The following CCDC198 variants were observed in gnomAD, a reference collection of about 807,000 sequenced individuals.
CCDC198 encodes coiled-coil domain containing 198.
A neutral mutation model predicts 35.6 loss-of-function variants in CCDC198; 18 were observed. That is an observed-to-expected ratio of 0.51 (90% confidence interval 0.35 to 0.75). The LOEUF is 0.75. Among genes scored for constraint, CCDC198 ranks in the 30% least tolerant of loss-of-function variants. The probability of loss-of-function intolerance (pLI) is 0.01; values close to 1 mark genes in which losing one functional copy is unlikely to be tolerated. For missense variants in CCDC198, 365 were observed against 343.7 expected, an observed-to-expected ratio of 1.06 and a Z score of -0.49; for synonymous variants, 119 against 113.4, an observed-to-expected ratio of 1.05 and a Z score of -0.31.
In CCDC198 at chr14:57,471,378, C is replaced by T. The variant is rs200992969; in HGVS notation, c.868G>A (p.Asp290Asn). ...RTRTERIPLF[D>N]EFFDQE is the part of the protein sequence containing the mutation. Reference sequence around the variant, plus strand: ...TCTTATTCTTGATCAAAAAACTCATCGAAAAGTGGGATTCTCTCTGTCCTG... The same window carrying T: ...TCTTATTCTTGATCAAAAAACTCATTGAAAAGTGGGATTCTCTCTGTCCTG... Residue 290 changes from aspartate to asparagine, a missense_variant, in exon 6 of 6, where the codon GAT becomes AAT. By Grantham distance (23) the Asp-to-Asn change is conservative. Transcript: ENST00000216445. 8.1e-5 allele frequency: 130 copies of T among 1,612,892 alleles called. No homozygotes were observed. Among genetic ancestry groups the T allele is most frequent in the Non-Finnish European group, 9.3e-5 (110 of 1,179,584 alleles).
At chr14:57,479,074 G>T (rs2067099122) in intron 5 of CCDC198, 2 of 1,225,612 alleles carry the variant, frequency 1.6e-6, no homozygotes, top group African/African-American at 1.5e-5. Context: ...AATTGGTGGG[G>T]CAATGTAGCG....
intron 5 of CCDC198, among the ~76,000 whole-genome samples, chr14:57,477,737 G>A (rs145855602): frequency 2.6e-5 from 4 of 152,060 alleles, no homozygotes; most frequent in Non-Finnish European, 4.4e-5. Context: ...TTGCTGTGTC[G>A]CCCAGGTTGG....
chr14:57,488,350 T>G (rs969312737), intron 2 of CCDC198, among the ~76,000 whole-genome samples: 12 of 152,162 alleles, frequency 7.9e-5, no homozygotes, highest in Non-Finnish European at 2.9e-5. Context: ...TAGTTATTTT[T>G]GCTAGTCAAT....
intron 5 of CCDC198, chr14:57,479,036 A>G: frequency 7.8e-7 from 1 of 1,288,902 alleles, no homozygotes; most frequent in South Asian, 1.2e-5. Context: ...CTGGGGAAAT[A>G]CAAACAAGGA....
chr14:57,481,487 G>C, intron 4 of CCDC198, 72 bp downstream of exon 4: 1 of 1,044,268 alleles, frequency 9.6e-7, no homozygotes, highest in Non-Finnish European at 1.5e-6. Flanking sequence ...ATCTATGCTT[G>C]ATATATTCAT....
intron 2 of CCDC198, among the ~76,000 whole-genome samples, chr14:57,486,720 AG>A (rs1213297833): frequency 6.6e-6 from 1 of 152,160 alleles, no homozygotes; most frequent in Non-Finnish European, 1.5e-5. Context: ...AAGAATTTTT[AG>A]TTTTATTAAA....
At chr14:57,493,352 T>A (rs981538309) in intron 1 of CCDC198, 141 bp downstream of exon 1, 2 of 693,650 alleles carry the variant, frequency 2.9e-6, no homozygotes, top group Non-Finnish European at 4.9e-6. Flanking sequence ...ATTGAAAGAT[T>A]TGAGTTTTCA....
chr14:57,493,310 C>G (rs1484152995), intron 1 of CCDC198, among the ~76,000 whole-genome samples, 183 bp downstream of exon 1: 1 of 152,076 alleles, frequency 6.6e-6, no homozygotes, highest in Non-Finnish European at 1.5e-5. Context: ...TTCTAATGAA[C>G]CCAGAATACT....
At chr14:57,475,889 C>T (rs1431392742) in intron 5 of CCDC198, among the ~76,000 whole-genome samples, 1 of 136,392 alleles carries the variant, frequency 7.3e-6, no homozygotes, top group Middle Eastern at 4.8e-3. Flanking sequence ...GCAACCTCTG[C>T]CTCTCAGGTT....
intron 5 of CCDC198, among the ~76,000 whole-genome samples, chr14:57,473,263 A>G (rs1005010199): frequency 6.6e-6 from 1 of 152,174 alleles, no homozygotes; most frequent in Non-Finnish European, 1.5e-5. Flanking sequence ...GCAGATAACC[A>G]TCTTAACGTC....
At chr14:57,482,113 T>C (rs892246859) in intron 3 of CCDC198, among the ~76,000 whole-genome samples, 21 of 152,228 alleles carry the variant, frequency 1.4e-4, no homozygotes, top group East Asian at 9.7e-4. Flanking sequence ...TTCTATAGAG[T>C]GCATTTCCAT....
chr14:57,476,048 C>T (rs1192121896), intron 5 of CCDC198, among the ~76,000 whole-genome samples: 1 of 151,872 alleles, frequency 6.6e-6, no homozygotes, highest in Non-Finnish European at 1.5e-5. Flanking sequence ...AGTGATCCAC[C>T]CTCCTCAGCC....
At chr14:57,482,757 T>C (rs1047348507) in intron 3 of CCDC198, among the ~76,000 whole-genome samples, 180 of 152,322 alleles carry the variant, frequency 1.2e-3, no homozygotes, top group African/African-American at 4.2e-3. Flanking sequence ...TTTCACAGAT[T>C]TGAAAACTTC....
Position 57,471,609 on chromosome 14 carries a change from T to G in CCDC198, c.656-19A>C, listed in dbSNP as rs537148536. 1.9e-5 allele frequency: 26 copies of G among 1,397,924 alleles called. No individual in the cohort carries two copies. The African/African-American group carries it at 3.0e-4, about 16-fold the overall frequency. 86.6% of individuals were successfully genotyped at this position (1,397,924 alleles called of 1,614,324 possible). A position where few individuals can be genotyped will look rare whatever the true frequency, so the allele number is the denominator to read the frequency against. Reference sequence around the variant, plus strand: ...GAATTTCCTACAAAAAAATTAAGTTTCTTTAATTTTTTCCCTTAGCAATGA... The same window carrying G: ...GAATTTCCTACAAAAAAATTAAGTTGCTTTAATTTTTTCCCTTAGCAATGA... On this transcript the variant is annotated intron_variant, in intron 5 of 5. Transcript: ENST00000216445.
intron 5 of CCDC198, chr14:57,480,351 T>A: frequency 1.1e-6 from 1 of 939,500 alleles, no homozygotes; most frequent in Non-Finnish European, 1.3e-6. Flanking sequence ...CAATGAAGCA[T>A]GCAAAGCATA....
intron 5 of CCDC198, among the ~76,000 whole-genome samples, chr14:57,478,287 G>C (rs545402300): frequency 6.6e-6 from 1 of 152,266 alleles, no homozygotes; most frequent in South Asian, 2.1e-4. Flanking sequence ...CAAGTCCTTG[G>C]TGTCCTGGTG....
chr14:57,480,636 AGGTCAT>A lies in CCDC198; in HGVS notation c.608_613del (p.His203_Asp204del). On this transcript the variant is annotated inframe_deletion, in exon 5 of 6. Transcript: ENST00000216445. ...GATTTCATCAGGCAACATGGTTAGAAGGTCATGGTCATCATTCCTTGGGGTGCTTTG... is the reference window on the plus strand; with the variant it reads ...GATTTCATCAGGCAACATGGTTAGAAGGTCATCATTCCTTGGGGTGCTTTG... 6.2e-7 allele frequency: 1 copy of A among 1,614,146 alleles called. No individual in the cohort carries two copies. The highest frequency in any genetic ancestry group is 1.1e-5 in the South Asian group (1 of 91,072).
In CCDC198 at chr14:57,493,754, G is replaced by A. The variant is rs1397268515; in HGVS notation, c.-39C>T. 2.0e-6 allele frequency: 3 copies of A among 1,517,522 alleles called. No individual in the cohort carries two copies. Among genetic ancestry groups the A allele is most frequent in the African/African-American group, 2.7e-5 (2 of 73,100 alleles). 94.0% of individuals were successfully genotyped at this position (1,517,522 alleles called of 1,614,324 possible). On this transcript the variant is annotated 5_prime_UTR_variant, in exon 1 of 6. Transcript: ENST00000216445. ...CATTCAGAGGAAAGCTGCGAGGGAAGTGGTTTTGGGGTCTTTAATATAGCT... is the reference window on the plus strand; with the variant it reads ...CATTCAGAGGAAAGCTGCGAGGGAAATGGTTTTGGGGTCTTTAATATAGCT...
At chr14:57,482,561 A>G (rs1242224299) in intron 3 of CCDC198, among the ~76,000 whole-genome samples, 1 of 152,230 alleles carries the variant, frequency 6.6e-6, no homozygotes, top group Non-Finnish European at 1.5e-5. Context: ...GGGGAGTTCT[A>G]GTCAACAGAA....
Sources: gnomAD v4.1 joint callset for allele counts (sites outside exome capture counted in the v4.1 genomes callset) on GRCh38, gnomAD v4.1.1 for gene constraint, MANE v1.5 for transcripts, NCBI Gene and HGNC (gene_info 2026-07-23, HGNC 2026-07-21) for gene names.